Variants in MDN1 observed in about 807,000 individuals in gnomAD.
MDN1 encodes the protein midasin AAA ATPase 1.
A neutral mutation model predicts 669.2 loss-of-function variants in MDN1; 266 were observed. The ratio of observed to expected loss-of-function variants is 0.40; its 90% CI spans 0.36 to 0.44. MDN1 has a LOEUF of 0.44. Among genes scored for constraint, MDN1 ranks in the 20% least tolerant of loss-of-function variants. The pLI is 1.00. For missense variants in MDN1, 5,940 were observed against 6,754.0 expected (o/e 0.88, Z 4.22); for synonymous variants, 2,385 against 2,457.1 (o/e 0.97, Z 0.87).
At chr6:89,751,330 A>C (rs1584316329) in intron 23 of MDN1, 101 bp downstream of exon 23, 2 of 1,394,352 alleles carry the variant, frequency 1.4e-6, no homozygotes, top group Admixed American at 4.6e-5. Flanking sequence ...TGGCCAATGA[A>C]TAAGAATAAA....
chr6:89,773,539 C>CAA (rs531119611), intron 13 of MDN1, among the ~76,000 whole-genome samples: 103 of 78,440 alleles, frequency 1.3e-3, no homozygotes, highest in African/African-American at 3.7e-3. Flanking sequence ...GACTCCATCT[C>CAA]AAAAAAAAAA....
intron 33 of MDN1, among the ~76,000 whole-genome samples, chr6:89,734,691 A>ACGAGAGAGAGAGAGAG (rs370691129): frequency 8.9e-5 from 10 of 112,984 alleles, no homozygotes; most frequent in East Asian, 3.4e-4. Context: ...AAAAAAAAAC[A>ACGAGAGAGAGAGAGAG]AGAGAGAGAG....
chr6:89,695,544 C>A lies in MDN1; in HGVS notation c.9771+61G>T, dbSNP rs1584209824. On this transcript the variant is annotated intron_variant, in intron 61 of 101. Transcript: ENST00000369393. This position sits in a 1 kb window ranked among gnomAD's most constrained non-coding sequence, Gnocchi z 4.1. Reference sequence around the variant, plus strand: ...CCAAAAGGGAATAAAAGGAGTAATACAATAAGCAAACCCAGCACGTCAGGG... The same window carrying A: ...CCAAAAGGGAATAAAAGGAGTAATAAAATAAGCAAACCCAGCACGTCAGGG... The A allele has an allele frequency of 6.6e-7, 1 of 1,522,972 alleles. No individual in the cohort carries two copies. Among genetic ancestry groups the A allele is most frequent in the East Asian group, 2.3e-5 (1 of 43,906 alleles). 94.3% of individuals were successfully genotyped at this position (1,522,972 alleles called of 1,614,324 possible).
Position 89,713,288 on chromosome 6 carries a change from T to C in MDN1, c.7078A>G (p.Thr2360Ala), listed in dbSNP as rs777736238. 4 of 1,606,044 alleles carry C rather than the reference T, an allele frequency of 2.5e-6. No individual in the cohort carries two copies. Among genetic ancestry groups the C allele is most frequent in the East Asian group, 4.5e-5 (2 of 44,840 alleles). ...ETRSTVVGSP[T>A]SSVSTLIQTA... The stretch of plus-strand genomic sequence containing the variant: ...TGGATTAGAGTTGATACAGAAGATG[T>C]TGGAGAACCTATTAAAAAAAAATTG... The change falls in exon 47 of 102, where the codon ACA becomes GCA. Residue 2360 changes from threonine (T) to alanine (A), a missense_variant. Coordinates refer to ENST00000369393, the MANE Select transcript of MDN1 (RefSeq NM_014611.3).
At chr6:89,736,914 C>A (rs1194460453) in intron 33 of MDN1, among the ~76,000 whole-genome samples, 1 of 152,126 alleles carries the variant, frequency 6.6e-6, no homozygotes, top group African/African-American at 2.4e-5. Flanking sequence ...TGAGCCTGGG[C>A]CTTAGACCAG....
At chr6:89,713,025 T>C in intron 47 of MDN1, 123 bp downstream of exon 47, 1 of 1,078,948 alleles carries the variant, frequency 9.3e-7, no homozygotes, top group African/African-American at 1.6e-5. Flanking sequence ...AGATCTCTAT[T>C]AGAGCAAACT....
chr6:89,815,034 G>A, intron 1 of MDN1: 1 of 525,676 alleles, frequency 1.9e-6, no homozygotes, highest in South Asian at 1.8e-5. Flanking sequence ...AGGCCAGGAG[G>A]AGGAAGAAAG....
At position 89,785,110 on chromosome 6, in the gene MDN1, C is replaced by T. The variant is rs1025990277; in HGVS notation, c.1351G>A (p.Gly451Arg). 12 of 1,613,358 alleles carry T rather than the reference C, an allele frequency of 7.4e-6. No individual in the cohort carries two copies. Among genetic ancestry groups the T allele is most frequent in the African/African-American group, 1.3e-5 (1 of 74,906 alleles). Residue 451 changes from glycine to arginine, a missense_variant, in exon 9 of 102, where the codon GGA becomes AGA. By Grantham distance (125) the Gly-to-Arg change is moderately radical (BLOSUM62 -2). This residue lies in a region of MDN1 where 1,203 missense variants were observed against 1,268.9 expected (regional missense o/e 0.95). Transcript: ENST00000369393. ...FATRRLLSCG[G>R]NWYRPLNSHA... is the part of the protein sequence containing the mutation. ...CTGTTTAGCGGTCGATACCAATTTC[C>T]TCCACAGCTCAAGAGTCTACGTTTC...
chr6:89,789,950 C>A, intron 6 of MDN1, 39 bp from the exon 7 acceptor site: 19 of 1,602,710 alleles, frequency 1.2e-5, no homozygotes, highest in Non-Finnish European at 1.5e-5. Context: ...AAAAACCATA[C>A]CTGTAGTGGC....
chr6:89,717,543 T>C (rs187542343), intron 43 of MDN1, among the ~76,000 whole-genome samples: 28 of 152,350 alleles, frequency 1.8e-4, no homozygotes, highest in African/African-American at 5.1e-4. Flanking sequence ...GTGTTTATAA[T>C]AGAAATTCAT....
intron 17 of MDN1, among the ~76,000 whole-genome samples, chr6:89,761,130 C>T (rs1817524116): frequency 1.3e-5 from 2 of 151,976 alleles, no homozygotes; most frequent in South Asian, 4.2e-4. Context: ...TGTGCCACTG[C>T]ACTCCAGCCT....
intron 33 of MDN1, among the ~76,000 whole-genome samples, chr6:89,734,810 C>A (rs1015070776): frequency 1.3e-5 from 2 of 151,290 alleles, no homozygotes; most frequent in African/African-American, 4.9e-5. Flanking sequence ...GCAATCTGAC[C>A]TTATCTAAGG....
chr6:89,729,670 T>C (rs1202833780), intron 35 of MDN1, among the ~76,000 whole-genome samples: 1 of 149,576 alleles, frequency 6.7e-6, no homozygotes, highest in Non-Finnish European at 1.5e-5. Flanking sequence ...GTTTTTGTTT[T>C]GTTTTCGTTT....
At chr6:89,661,841 G>A (rs538381173) in intron 87 of MDN1, among the ~76,000 whole-genome samples, 5 of 152,296 alleles carry the variant, frequency 3.3e-5, no homozygotes, top group Admixed American at 2.0e-4. Flanking sequence ...AAATAAACAA[G>A]GGATCACAGG....
intron 53 of MDN1, among the ~76,000 whole-genome samples, chr6:89,703,377 G>GA (rs1016866606): frequency 2.1e-5 from 3 of 145,922 alleles, no homozygotes; most frequent in Admixed American, 6.8e-5. Flanking sequence ...GAAGGGGGGG[G>GA]GGTCTATCTG....
chr6:89,760,481 C>T (rs1350173581), intron 17 of MDN1, among the ~76,000 whole-genome samples: 1 of 152,018 alleles, frequency 6.6e-6, no homozygotes, highest in African/African-American at 2.4e-5. Flanking sequence ...TCCAGGTATT[C>T]CCAAAAAAAA....
In MDN1 at chr6:89,758,312, C is replaced by T; in HGVS notation, c.2645G>A (p.Cys882Tyr). 1 of 1,611,994 alleles carries T rather than the reference C, an allele frequency of 6.2e-7. No individual in the cohort carries two copies. Among genetic ancestry groups the T allele is most frequent in the Non-Finnish European group, 8.5e-7 (1 of 1,178,980 alleles). The change falls in exon 19 of 102, where the codon TGT becomes TAT. Residue 882 changes from cysteine to tyrosine, a missense_variant. Cys to Tyr is a radical substitution (Grantham distance 194). Coordinates refer to ENST00000369393, the MANE Select transcript of MDN1 (RefSeq NM_014611.3). ...VRHPDFRLFA[C>Y]MNPATDVGKR... The stretch of plus-strand genomic sequence containing the variant: ...GCCTACATCAGTTGCTGGATTCATA[C>T]AGGCAAATAAACGGAAGTCAGGATG...
At chr6:89,813,644 C>T (rs1015392343) in intron 1 of MDN1, among the ~76,000 whole-genome samples, 3 of 151,544 alleles carry the variant, frequency 2.0e-5, no homozygotes, top group African/African-American at 7.3e-5. Flanking sequence ...GGTGGGAGGA[C>T]CATTTGAGCC....
chr6:89,778,884 T>G (rs1274356850), intron 11 of MDN1, among the ~76,000 whole-genome samples: 1 of 75,648 alleles, frequency 1.3e-5, no homozygotes, highest in Non-Finnish European at 2.9e-5. Flanking sequence ...AGACTATGTC[T>G]CAAAAATAAA....
Sources: allele counts gnomAD v4.1 joint callset (sites outside exome capture counted in the v4.1 genomes callset), GRCh38; gene constraint gnomAD v4.1.1; regional missense constraint gnomAD v4.1.1; non-coding constraint Gnocchi (gnomAD v3.1); transcripts MANE v1.5; gene names NCBI Gene and HGNC (gene_info 2026-07-23, HGNC 2026-07-21).